SAMD12: variants seen among roughly 807,000 people sequenced by gnomAD.
The protein encoded by SAMD12 is sterile alpha motif domain-containing protein 12.
A neutral mutation model predicts 15.0 loss-of-function variants in SAMD12; 9 were observed. The observed-to-expected ratio is 0.60, with a 90% confidence interval of 0.36 to 1.05. The LOEUF (loss-of-function observed/expected upper bound fraction) is 1.05. SAMD12 is among the 50% of genes least tolerant of loss of function. The probability of loss-of-function intolerance (pLI) is 0.01; values close to 1 mark genes in which losing one functional copy is unlikely to be tolerated. For missense variants in SAMD12, 230 were observed against 234.2 expected (o/e 0.98, Z 0.12); for synonymous variants, 86 against 90.1 (o/e 0.96, Z 0.25).
At chr8:118,392,747 G>A (rs1287620205) in intron 3 of SAMD12, among the ~76,000 whole-genome samples, 2 of 152,080 alleles carry the variant, frequency 1.3e-5, no homozygotes, top group Non-Finnish European at 2.9e-5. Flanking sequence ...GATATTTGGG[G>A]CCAGGTGATT....
chr8:118,564,510 C>T (rs148901521), intron 2 of SAMD12, among the ~76,000 whole-genome samples: 2 of 152,260 alleles, frequency 1.3e-5, no homozygotes, highest in African/African-American at 2.4e-5. Context: ...AATTTTAGTT[C>T]AGTAGTTCAG....
chr8:118,534,693 T>C (rs913231124), intron 2 of SAMD12, among the ~76,000 whole-genome samples: 1 of 152,348 alleles, frequency 6.6e-6, no homozygotes, highest in African/African-American at 2.4e-5. Flanking sequence ...TTCATCCATT[T>C]GATCTTCAAT....
intron 4 of SAMD12, among the ~76,000 whole-genome samples, chr8:118,327,708 ATGG>A (rs1816630393): frequency 6.6e-6 from 1 of 152,202 alleles, no homozygotes; most frequent in African/African-American, 2.4e-5. Flanking sequence ...ATTTTGCCAT[ATGG>A]TACATATCTG....
At chr8:118,522,081 C>A (rs1303943784) in intron 2 of SAMD12, among the ~76,000 whole-genome samples, 1 of 151,960 alleles carries the variant, frequency 6.6e-6, no homozygotes, top group African/African-American at 2.4e-5. Flanking sequence ...GGGGTGAGAA[C>A]TGTATCTTTC....
intron 2 of SAMD12, among the ~76,000 whole-genome samples, chr8:118,574,092 A>G: frequency 6.6e-6 from 1 of 152,220 alleles, no homozygotes; most frequent in East Asian, 1.9e-4. Flanking sequence ...GGAGAAGCAC[A>G]TTTGAGCTAG....
chr8:118,255,645 A>G (rs1812920214), intron 4 of SAMD12, among the ~76,000 whole-genome samples: 1 of 150,714 alleles, frequency 6.6e-6, no homozygotes, highest in Non-Finnish European at 1.5e-5. Context: ...GAGAATGATG[A>G]TTTCCAATTT....
chr8:118,519,162 A>G (rs1825324166), intron 2 of SAMD12, among the ~76,000 whole-genome samples: 1 of 152,174 alleles, frequency 6.6e-6, no homozygotes, highest in African/African-American at 2.4e-5. Context: ...TGCTTTCTCA[A>G]TTGCACCCTC....
chr8:118,313,626 T>C (rs571360966), intron 4 of SAMD12, among the ~76,000 whole-genome samples: 39 of 152,138 alleles, frequency 2.6e-4, no homozygotes, highest in African/African-American at 9.4e-4. Flanking sequence ...AACAAGAGAC[T>C]AAAAAAAGCA....
chr8:118,363,644 C>G (rs772556843), intron 4 of SAMD12, among the ~76,000 whole-genome samples: 3 of 152,182 alleles, frequency 2.0e-5, no homozygotes, highest in Non-Finnish European at 2.9e-5. Flanking sequence ...TCCAGCTTGC[C>G]AACTGCAGAT....
chr8:118,467,072 G>C (rs1030708134), intron 2 of SAMD12, among the ~76,000 whole-genome samples: 6 of 152,092 alleles, frequency 3.9e-5, no homozygotes, highest in Non-Finnish European at 8.8e-5. Flanking sequence ...CAGGCAGCTG[G>C]GAACAGAAAA....
At chr8:118,555,189 C>G (rs761884705) in intron 2 of SAMD12, among the ~76,000 whole-genome samples, 1 of 152,170 alleles carries the variant, frequency 6.6e-6, no homozygotes. Context: ...TCCTCACATC[C>G]ATTAATTATA....
chr8:118,163,925 C>T, the SAMD12 span, among the ~76,000 whole-genome samples: 1 of 146,570 alleles, frequency 6.8e-6, no homozygotes, highest in Non-Finnish European at 1.5e-5. Flanking sequence ...AAAAAACAAA[C>T]CTGGGGAGCT....
intron 2 of SAMD12, among the ~76,000 whole-genome samples, chr8:118,499,458 G>GC (rs770195276): frequency 3.9e-5 from 6 of 152,196 alleles, no homozygotes; most frequent in Non-Finnish European, 8.8e-5. Flanking sequence ...AGACTTATTA[G>GC]CCACATGTCC....
intron 1 of SAMD12, among the ~76,000 whole-genome samples, chr8:118,608,435 C>G (rs1179215943): frequency 6.6e-6 from 1 of 152,088 alleles, no homozygotes; most frequent in Non-Finnish European, 1.5e-5. Flanking sequence ...TCTTACAAGA[C>G]AGAATCTCCT....
the SAMD12 span, among the ~76,000 whole-genome samples, chr8:118,167,330 G>T: frequency 6.6e-6 from 1 of 152,106 alleles, no homozygotes; most frequent in Non-Finnish European, 1.5e-5. Flanking sequence ...ACTCCAGGAG[G>T]CTGACTTGTA....
chr8:118,321,083 TACATATATAATA>T (rs1157467785), intron 4 of SAMD12, among the ~76,000 whole-genome samples: 2 of 128,380 alleles, frequency 1.6e-5, no homozygotes, highest in Admixed American at 1.6e-4. Context: ...AGTTGATGAA[TACATATATAATA>T]ACATATATAA....
intron 3 of SAMD12, among the ~76,000 whole-genome samples, chr8:118,438,313 G>T (rs1473071575): frequency 6.6e-6 from 1 of 151,986 alleles, no homozygotes; most frequent in African/African-American, 2.4e-5. Context: ...GCTACAATTG[G>T]GTGTTTTCCC....
intron 1 of SAMD12, among the ~76,000 whole-genome samples, chr8:118,590,554 C>A (rs1479265200): frequency 1.3e-5 from 2 of 152,234 alleles, no homozygotes; most frequent in Middle Eastern, 6.3e-3. Flanking sequence ...AGAAGTCCTA[C>A]CTTTCAGGTA....
At chr8:118,579,433 T>A (rs1184321215) in intron 2 of SAMD12, among the ~76,000 whole-genome samples, 1 of 152,168 alleles carries the variant, frequency 6.6e-6, no homozygotes, top group East Asian at 1.9e-4. Flanking sequence ...TGAGTTGCCA[T>A]TTCTCTTAGC....
Sources: allele counts gnomAD v4.1 joint callset (sites outside exome capture counted in the v4.1 genomes callset), GRCh38; gene constraint gnomAD v4.1.1; transcripts MANE v1.5; gene names NCBI Gene and HGNC (gene_info 2026-07-23, HGNC 2026-07-21).